The following PRKAG2 variants were observed in gnomAD, a reference collection of about 807,000 sequenced individuals.
PRKAG2 encodes protein kinase AMP-activated non-catalytic subunit gamma 2.
PRKAG2 carries 26 observed loss-of-function variants against 69.6 expected under a neutral mutation model. That is an observed-to-expected ratio of 0.37 (90% CI 0.27 to 0.52). The LOEUF (loss-of-function observed/expected upper bound fraction) is 0.52. PRKAG2 is among the 20% of genes least tolerant of loss of function. PRKAG2 has a pLI of 0.90. For missense variants in PRKAG2, 557 were observed against 740.0 expected, an observed-to-expected ratio of 0.75 and a Z score of 2.87; for synonymous variants, 293 against 285.0, an observed-to-expected ratio of 1.03 and a Z score of -0.28.
chr7:151,724,375 G>A (rs1481435660), intron 3 of PRKAG2, among the ~76,000 whole-genome samples: 1 of 152,174 alleles, frequency 6.6e-6, no homozygotes, highest in Non-Finnish European at 1.5e-5. Context: ...CAAGCCCAGG[G>A]ATGGGCATCT....
At chr7:151,705,829 A>G (rs986059527) in intron 3 of PRKAG2, among the ~76,000 whole-genome samples, 1 of 151,988 alleles carries the variant, frequency 6.6e-6, no homozygotes, top group Non-Finnish European at 1.5e-5. Context: ...TAGAAATCTC[A>G]TAAGTGGCCC....
At chr7:151,733,888 T>G (rs914357686) in intron 3 of PRKAG2, among the ~76,000 whole-genome samples, 5 of 151,516 alleles carry the variant, frequency 3.3e-5, no homozygotes, top group Admixed American at 6.6e-5. Context: ...TAGAGAGGGG[T>G]CTCATGATGT....
chr7:151,558,924 C>A (rs1023471663), intron 15 of PRKAG2: 1 of 985,312 alleles, frequency 1.0e-6, no homozygotes, highest in Admixed American at 6.1e-5. Context: ...AATCGCTTGA[C>A]TTGTTTACTC....
intron 6 of PRKAG2, among the ~76,000 whole-genome samples, chr7:151,592,386 G>A (rs980956134): frequency 6.6e-6 from 1 of 152,176 alleles, no homozygotes; most frequent in African/African-American, 2.4e-5. Context: ...GTATTAAACC[G>A]AGGGGAATCT....
chr7:151,691,664 A>G (rs920220423), intron 3 of PRKAG2, among the ~76,000 whole-genome samples: 3 of 152,204 alleles, frequency 2.0e-5, no homozygotes, highest in African/African-American at 7.2e-5. Flanking sequence ...ACCTGACAAT[A>G]CTAAGTGCTG....
At chr7:151,758,271 C>T (rs1586326641) in intron 3 of PRKAG2, among the ~76,000 whole-genome samples, 1 of 152,316 alleles carries the variant, frequency 6.6e-6, no homozygotes, top group African/African-American at 2.4e-5. Context: ...CCGTGGGGGC[C>T]AGCTGGCCAA....
At chr7:151,802,625 GCTAT>G (rs1563701126) in intron 1 of PRKAG2, among the ~76,000 whole-genome samples, 1 of 152,198 alleles carries the variant, frequency 6.6e-6, no homozygotes, top group African/African-American at 2.4e-5. Context: ...TTCTCCCCAG[GCTAT>G]CTGTGTGCCC....
intron 1 of PRKAG2, among the ~76,000 whole-genome samples, chr7:151,856,009 G>A (rs373193820): frequency 4.5e-4 from 68 of 152,272 alleles, no homozygotes; most frequent in African/African-American, 1.6e-3. Flanking sequence ...ACAAAAACCC[G>A]TAAGTCCTAC....
In PRKAG2 at chr7:151,788,664, C is replaced by G. The variant is rs1402060475; in HGVS notation, c.115-2123G>C. On this transcript the variant is annotated intron_variant, in intron 1 of 15. Coordinates refer to ENST00000287878, the MANE Select transcript of PRKAG2 (RefSeq NM_016203.4). The surrounding 1 kb of genome is among the most constrained non-coding windows in gnomAD (Gnocchi z 4.6). ...TGATGTACAGAAGTCTTTGATTTATCTAATTTGCCTTTTGTTGCCTGTGCT... is the reference window on the plus strand; with the variant it reads ...TGATGTACAGAAGTCTTTGATTTATGTAATTTGCCTTTTGTTGCCTGTGCT... Among the ~76,000 whole-genome samples, 2 of 152,192 alleles carry G rather than the reference C, an allele frequency of 1.3e-5. No homozygotes were observed. Among genetic ancestry groups the G allele is most frequent in the Admixed American group, 6.5e-5 (1 of 15,286 alleles).
chr7:151,726,364 G>C (rs966084136), intron 3 of PRKAG2, among the ~76,000 whole-genome samples: 1 of 131,720 alleles, frequency 7.6e-6, no homozygotes, highest in Non-Finnish European at 1.6e-5. Flanking sequence ...AATCACCAGG[G>C]AGGCAGGACA....
intron 1 of PRKAG2, among the ~76,000 whole-genome samples, chr7:151,833,661 AGTT>A (rs2079086788): frequency 6.6e-6 from 1 of 152,208 alleles, no homozygotes. Flanking sequence ...CGGGCTTTTC[AGTT>A]GTTCCAGGGG....
At chr7:151,656,851 T>C (rs1219539635) in intron 4 of PRKAG2, among the ~76,000 whole-genome samples, 1 of 151,864 alleles carries the variant, frequency 6.6e-6, no homozygotes, top group African/African-American at 2.4e-5. Flanking sequence ...CAAAAGCATA[T>C]TTAGGCCAGG....
At chr7:151,647,994 G>A (rs1827844772) in intron 4 of PRKAG2, among the ~76,000 whole-genome samples, 1 of 152,146 alleles carries the variant, frequency 6.6e-6, no homozygotes, top group Non-Finnish European at 1.5e-5. Flanking sequence ...GATTGAATGG[G>A]CCTGTGTGAG....
chr7:151,613,494 G>T (rs113715347), intron 5 of PRKAG2, among the ~76,000 whole-genome samples: 1 of 151,942 alleles, frequency 6.6e-6, no homozygotes, highest in Non-Finnish European at 1.5e-5. Context: ...CGAGCATTTT[G>T]GTTTTTATTT....
At chr7:151,817,068 A>G (rs1449301577) in intron 1 of PRKAG2, among the ~76,000 whole-genome samples, 1 of 152,104 alleles carries the variant, frequency 6.6e-6, no homozygotes. Context: ...TCCTGCTTGC[A>G]AGCTGCCCAC....
At chr7:151,772,295 C>G (rs1354832364) in intron 3 of PRKAG2, among the ~76,000 whole-genome samples, 2 of 152,156 alleles carry the variant, frequency 1.3e-5, no homozygotes, top group Admixed American at 6.5e-5. Context: ...TCTCTTCTAT[C>G]CCTCTCCCAC....
chr7:151,644,306 T>C (rs1455716773), intron 4 of PRKAG2, among the ~76,000 whole-genome samples: 1 of 151,936 alleles, frequency 6.6e-6, no homozygotes, highest in Non-Finnish European at 1.5e-5. Context: ...ATAGAGAAAA[T>C]TTTTTTATCA....
intron 14 of PRKAG2, 123 bp downstream of exon 14, chr7:151,563,955 G>A (rs879176658): frequency 3.0e-6 from 4 of 1,328,598 alleles, no homozygotes; most frequent in Admixed American, 1.7e-5. Flanking sequence ...GAATCCCATC[G>A]ACTGAACCTG....
At chr7:151,625,250 G>C (rs1319532031) in intron 5 of PRKAG2, among the ~76,000 whole-genome samples, 1 of 152,198 alleles carries the variant, frequency 6.6e-6, no homozygotes, top group Non-Finnish European at 1.5e-5. Flanking sequence ...AAAACGAGCA[G>C]GTGGCCAAAG....
Sources: gnomAD v4.1 joint callset for allele counts (sites outside exome capture counted in the v4.1 genomes callset) on GRCh38, gnomAD v4.1.1 for gene constraint, Gnocchi (gnomAD v3.1) non-coding constraint, MANE v1.5 for transcripts, NCBI Gene and HGNC (gene_info 2026-07-23, HGNC 2026-07-21) for gene names.